Variants in CCDC141 observed in about 807,000 individuals in gnomAD.
The protein encoded by CCDC141 is coiled-coil domain containing 141, also known as coiled-coil domain-containing protein 141.
A neutral mutation model predicts 181.0 loss-of-function variants in CCDC141; 168 were observed. The ratio of observed to expected loss-of-function variants is 0.93; its 90% CI spans 0.82 to 1.05. The LOEUF (loss-of-function observed/expected upper bound fraction) is 1.05. Among genes scored for constraint, CCDC141 ranks in the 50% least tolerant of loss-of-function variants. The pLI, the probability that CCDC141 is intolerant of heterozygous loss-of-function variation, is 0.00. For synonymous variants in CCDC141, 666 were observed against 642.3 expected (o/e 1.04, Z -0.56); for missense variants, 1,902 against 1,788.5 (o/e 1.06, Z -1.14).
At chr2:178,822,258 G>C in the CCDC141 span, among the ~76,000 whole-genome samples, 2 of 151,832 alleles carry the variant, frequency 1.3e-5, no homozygotes, top group Non-Finnish European at 2.9e-5. Flanking sequence ...GGCCTGTTGT[G>C]GGGTGGGGGG....
intron 5 of CCDC141, among the ~76,000 whole-genome samples, chr2:178,959,869 C>T (rs1360480976): frequency 6.6e-6 from 1 of 152,196 alleles, no homozygotes; most frequent in African/African-American, 2.4e-5. Context: ...GAAAAGTTGA[C>T]CAACACATGT....
chr2:179,028,870 C>T (rs949959797), intron 2 of CCDC141, among the ~76,000 whole-genome samples: 1 of 152,170 alleles, frequency 6.6e-6, no homozygotes, highest in Non-Finnish European at 1.5e-5. Context: ...CCATTCAAGT[C>T]CATCCCACAT....
chr2:178,983,248 G>A (rs1234788515), intron 2 of CCDC141, among the ~76,000 whole-genome samples: 12 of 152,224 alleles, frequency 7.9e-5, no homozygotes, highest in Non-Finnish European at 1.5e-4. Context: ...ACCTGCAGCT[G>A]AGGGTCCTGT....
chr2:179,000,213 A>AGTG (rs1575327232), intron 2 of CCDC141, among the ~76,000 whole-genome samples: 1 of 152,094 alleles, frequency 6.6e-6, no homozygotes, highest in African/African-American at 2.4e-5. Context: ...TGCATTTTTA[A>AGTG]GTGGTTGAAA....
chr2:178,864,193 A>G (rs1249848184), intron 17 of CCDC141, among the ~76,000 whole-genome samples: 1 of 152,190 alleles, frequency 6.6e-6, no homozygotes, highest in Non-Finnish European at 1.5e-5. Flanking sequence ...GTTTACAAAT[A>G]GAAGTAGAGG....
chr2:178,850,207 G>T lies in CCDC141; in HGVS notation c.3245-46C>A, dbSNP rs1296788394. ...ACTAGTTTTAAAGGTCAAATTTTTAGCAAGAAGAAAAGTCCAGGTATAAAT... is the reference window on the plus strand; with the variant it reads ...ACTAGTTTTAAAGGTCAAATTTTTATCAAGAAGAAAAGTCCAGGTATAAAT... On this transcript the variant is annotated intron_variant, in intron 20 of 23. Coordinates refer to ENST00000443758, the MANE Select transcript of CCDC141 (RefSeq NM_173648.4). 3.9e-6 allele frequency: 4 copies of T among 1,013,798 alleles called. No individual in the cohort carries two copies. The South Asian group carries it at 4.0e-5, about 10-fold the overall frequency. The allele number at this position is 1,013,798 out of a possible 1,614,324, so 62.8% of individuals were successfully genotyped here.
chr2:178,986,176 A>G (rs939204088), intron 2 of CCDC141, among the ~76,000 whole-genome samples: 1 of 152,248 alleles, frequency 6.6e-6, no homozygotes, highest in Non-Finnish European at 1.5e-5. Flanking sequence ...GCAAATCAAT[A>G]AATGTCATCC....
chr2:178,820,278 G>T, the CCDC141 span, among the ~76,000 whole-genome samples: 1 of 152,050 alleles, frequency 6.6e-6, no homozygotes, highest in Non-Finnish European at 1.5e-5. Flanking sequence ...CATTTCCCTT[G>T]GTTTGGCCAC....
chr2:178,998,868 C>G (rs959324364), intron 2 of CCDC141, among the ~76,000 whole-genome samples: 1 of 152,186 alleles, frequency 6.6e-6, no homozygotes, highest in South Asian at 2.1e-4. Context: ...GTAGAGTTAA[C>G]TTACTCCAGA....
chr2:178,909,746 C>T (rs1688139852), intron 7 of CCDC141, among the ~76,000 whole-genome samples: 1 of 152,176 alleles, frequency 6.6e-6, no homozygotes, highest in South Asian at 2.1e-4. Flanking sequence ...CCTGGAAAGA[C>T]TCCCTTTGTT....
intron 21 of CCDC141, among the ~76,000 whole-genome samples, chr2:178,846,424 A>G (rs1307667844): frequency 6.6e-6 from 1 of 152,234 alleles, no homozygotes; most frequent in African/African-American, 2.4e-5. Context: ...AATGATGATT[A>G]TACTGCAATG....
the CCDC141 span, among the ~76,000 whole-genome samples, chr2:178,817,109 C>G: frequency 6.6e-6 from 1 of 152,302 alleles, no homozygotes; most frequent in South Asian, 2.1e-4. Flanking sequence ...AGTATTTATA[C>G]TTAGAAACAG....
intron 1 of CCDC141, 89 bp from the exon 2 acceptor site, chr2:179,047,495 T>C: frequency 8.5e-7 from 1 of 1,176,662 alleles, no homozygotes; most frequent in Non-Finnish European, 1.1e-6. Flanking sequence ...CGTTTAAATT[T>C]CCAGTTATAC....
At chr2:178,926,171 T>A (rs1488699558) in intron 6 of CCDC141, among the ~76,000 whole-genome samples, 2 of 152,060 alleles carry the variant, frequency 1.3e-5, no homozygotes, top group Non-Finnish European at 2.9e-5. Context: ...TAAAAAAAAA[T>A]CTGAAGCATT....
chr2:178,892,831 G>A (rs1687221322), intron 8 of CCDC141, among the ~76,000 whole-genome samples: 1 of 152,114 alleles, frequency 6.6e-6, no homozygotes, highest in Admixed American at 6.6e-5. Context: ...AACTGACGGT[G>A]GGTAACAGAC....
chr2:178,900,275 G>C (rs1687622260), intron 8 of CCDC141, among the ~76,000 whole-genome samples: 1 of 152,006 alleles, frequency 6.6e-6, no homozygotes, highest in African/African-American at 2.4e-5. Flanking sequence ...TGAAAAACAG[G>C]ATTGTAGATG....
intron 2 of CCDC141, among the ~76,000 whole-genome samples, chr2:178,995,141 A>G (rs572602049): frequency 2.0e-4 from 31 of 152,330 alleles, no homozygotes; most frequent in African/African-American, 7.2e-4. Context: ...CTCTACGGGT[A>G]CCAATTTACT....
intron 12 of CCDC141, chr2:178,875,760 T>C (rs947347472): frequency 1.3e-5 from 2 of 152,072 alleles, no homozygotes; most frequent in African/African-American, 4.8e-5. Context: ...ATTCCAGAAC[T>C]AAAATTTCTG....
chr2:178,900,026 C>A (rs1410654277), intron 8 of CCDC141, among the ~76,000 whole-genome samples: 3 of 152,066 alleles, frequency 2.0e-5, no homozygotes, highest in Non-Finnish European at 2.9e-5. Context: ...CTTCTGAATC[C>A]AAAAATGTCC....
Sources: allele counts gnomAD v4.1 joint callset (sites outside exome capture counted in the v4.1 genomes callset), GRCh38; gene constraint gnomAD v4.1.1; transcripts MANE v1.5; gene names NCBI Gene and HGNC (gene_info 2026-07-23, HGNC 2026-07-21).